Variants in EXOC6B observed in about 807,000 individuals in gnomAD.
The protein encoded by EXOC6B is exocyst complex component 6B.
A neutral mutation model predicts 113.5 loss-of-function variants in EXOC6B; 54 were observed. The ratio of observed to expected loss-of-function variants is 0.48; its 90% CI spans 0.38 to 0.60. EXOC6B has a LOEUF of 0.60. Among genes scored for constraint, EXOC6B ranks in the 20% least tolerant of loss-of-function variants. EXOC6B has a pLI of 0.00. For missense variants in EXOC6B, 797 were observed against 977.5 expected, an observed-to-expected ratio of 0.82 and a Z score of 2.46; for synonymous variants, 357 against 339.0, an observed-to-expected ratio of 1.05 and a Z score of -0.58.
At chr2:72,581,103 C>T (rs891288566) in intron 6 of EXOC6B, among the ~76,000 whole-genome samples, 1 of 152,174 alleles carries the variant, frequency 6.6e-6, no homozygotes, top group Admixed American at 6.5e-5. Flanking sequence ...GAATTGTGAT[C>T]CCTTGTTTAG....
At chr2:72,607,988 T>A (rs1670853020) in intron 6 of EXOC6B, among the ~76,000 whole-genome samples, 1 of 152,062 alleles carries the variant, frequency 6.6e-6, no homozygotes, top group African/African-American at 2.4e-5. Context: ...TATTTGAAGG[T>A]AGGATTGTTT....
chr2:72,274,160 A>T (rs893963108), intron 20 of EXOC6B, among the ~76,000 whole-genome samples: 2 of 152,192 alleles, frequency 1.3e-5, no homozygotes, highest in Non-Finnish European at 2.9e-5. Flanking sequence ...GTTGGAGAAC[A>T]TGTACCAGAC....
chr2:72,795,151 T>C (rs1483714061), intron 1 of EXOC6B, among the ~76,000 whole-genome samples: 2 of 152,136 alleles, frequency 1.3e-5, no homozygotes, highest in Middle Eastern at 6.8e-3. Context: ...GGTTGGAAGA[T>C]AGAATTAGAG....
intron 20 of EXOC6B, among the ~76,000 whole-genome samples, chr2:72,300,203 T>C (rs1381031859): frequency 1.3e-5 from 2 of 152,164 alleles, no homozygotes; most frequent in Non-Finnish European, 1.5e-5. Context: ...GCTGCTTTTT[T>C]TTCAGAGATG....
rs1449643195 is a variant in EXOC6B, at chr2:72,274,604, G to T, written c.2196+60343C>A. Among the ~76,000 whole-genome samples, 4 of 152,226 alleles carry T rather than the reference G, an allele frequency of 2.6e-5. No individual in the cohort carries two copies. The South Asian group carries it at 6.2e-4, about 24-fold the overall frequency. The stretch of plus-strand genomic sequence containing the variant: ...GAAGACAAAGCAGGTTTATATGTGT[G>T]TCCTAACTGAAACTTCTTTTGAAAT... On this transcript the variant is annotated intron_variant, in intron 20 of 21. Transcript: ENST00000272427.
At chr2:72,730,056 C>T (rs905515550) in intron 5 of EXOC6B, among the ~76,000 whole-genome samples, 9 of 152,224 alleles carry the variant, frequency 5.9e-5, no homozygotes, top group African/African-American at 2.2e-4. Context: ...TACAGGGCAT[C>T]TCAGGGCAGA....
In EXOC6B at chr2:72,570,610, T is replaced by C. The variant is rs112750071; in HGVS notation, c.846+4882A>G. Among the ~76,000 whole-genome samples, 778 of 152,336 alleles carry C rather than the reference T, an allele frequency of 5.1e-3. 10 individuals are homozygous for C. Among genetic ancestry groups the C allele is most frequent in the African/African-American group, 0.017 (719 of 41,578 alleles). ...GGTGTGGATGACATGGTTACCACTG[T>C]TCCTTAACAGTTGGTAAATAAATTA... On this transcript the variant is annotated intron_variant, in intron 7 of 21. Transcript: ENST00000272427.
At chr2:72,636,335 A>AGGAG (rs1558866828) in intron 6 of EXOC6B, among the ~76,000 whole-genome samples, 1 of 98,708 alleles carries the variant, frequency 1.0e-5, no homozygotes, top group African/African-American at 5.2e-5. Flanking sequence ...GAAGGAGGGA[A>AGGAG]GGAAGGAAGG....
At chr2:72,546,806 A>G (rs946438183) in intron 8 of EXOC6B, among the ~76,000 whole-genome samples, 2 of 152,256 alleles carry the variant, frequency 1.3e-5, no homozygotes, top group African/African-American at 4.8e-5. Context: ...ATATGCTTTT[A>G]GATTTAGATT....
intron 8 of EXOC6B, among the ~76,000 whole-genome samples, chr2:72,546,074 T>C (rs1375055975): frequency 6.6e-6 from 1 of 152,080 alleles, no homozygotes; most frequent in Non-Finnish European, 1.5e-5. Context: ...CAGATTAGAG[T>C]GGGAGAACCA....
intron 20 of EXOC6B, among the ~76,000 whole-genome samples, chr2:72,304,828 C>T (rs1249499969): frequency 1.3e-5 from 2 of 152,142 alleles, no homozygotes; most frequent in Non-Finnish European, 2.9e-5. Flanking sequence ...GCTGCAAGGG[C>T]CCCTAGACAA....
intron 8 of EXOC6B, among the ~76,000 whole-genome samples, chr2:72,557,584 G>A (rs1314691302): frequency 6.6e-6 from 1 of 152,080 alleles, no homozygotes; most frequent in East Asian, 1.9e-4. Flanking sequence ...ACTTATAAGT[G>A]GGGGCTAAAT....
At chr2:72,780,016 A>G (rs1046924296) in intron 1 of EXOC6B, among the ~76,000 whole-genome samples, 2 of 152,102 alleles carry the variant, frequency 1.3e-5, no homozygotes, top group African/African-American at 2.4e-5. Flanking sequence ...ACTTCACCCT[A>G]TGTTTTCAGA....
At chr2:72,187,990 G>A (rs987162069) in intron 20 of EXOC6B, among the ~76,000 whole-genome samples, 1 of 152,192 alleles carries the variant, frequency 6.6e-6, no homozygotes, top group Admixed American at 6.5e-5. Context: ...GCCTTCCCAG[G>A]CCCCCAAGAG....
At chr2:72,404,069 T>C (rs1033204973) in intron 18 of EXOC6B, among the ~76,000 whole-genome samples, 1 of 152,184 alleles carries the variant, frequency 6.6e-6, no homozygotes, top group Non-Finnish European at 1.5e-5. Flanking sequence ...TATATCCTGC[T>C]CCTAGCTCGG....
intron 19 of EXOC6B, among the ~76,000 whole-genome samples, chr2:72,353,691 T>G (rs1013877262): frequency 6.6e-6 from 1 of 151,888 alleles, no homozygotes; most frequent in Admixed American, 6.6e-5. Flanking sequence ...AAACTTTAAA[T>G]AATTGTTTCT....
intron 6 of EXOC6B, among the ~76,000 whole-genome samples, chr2:72,666,353 A>G (rs1675385916): frequency 6.6e-6 from 1 of 152,140 alleles, no homozygotes; most frequent in Non-Finnish European, 1.5e-5. Context: ...TTCTTCTCAT[A>G]CGCACATGGA....
chr2:72,632,172 A>G (rs1672513707), intron 6 of EXOC6B, among the ~76,000 whole-genome samples: 1 of 152,204 alleles, frequency 6.6e-6, no homozygotes, highest in Non-Finnish European at 1.5e-5. Context: ...ATGAATACAC[A>G]ATTCACAAAG....
intron 6 of EXOC6B, among the ~76,000 whole-genome samples, chr2:72,620,952 G>C (rs1026150651): frequency 5.9e-5 from 9 of 152,088 alleles, no homozygotes. Flanking sequence ...ACCACAATGA[G>C]ATACCATCTT....
Sources: gnomAD v4.1 joint callset for allele counts (sites outside exome capture counted in the v4.1 genomes callset) on GRCh38, gnomAD v4.1.1 for gene constraint, MANE v1.5 for transcripts, NCBI Gene and HGNC (gene_info 2026-07-23, HGNC 2026-07-21) for gene names.